The following TBR1 variants were observed in gnomAD, a reference collection of about 807,000 sequenced individuals.
The protein encoded by TBR1 is T-box brain protein 1.
A neutral mutation model predicts 60.3 loss-of-function variants in TBR1; 7 were observed. The observed-to-expected ratio is 0.12, with a 90% CI of 0.07 to 0.22. The LOEUF (loss-of-function observed/expected upper bound fraction) is 0.22. Ranked by LOEUF, TBR1 falls within the 10% of genes least tolerant of loss-of-function variation. The pLI is 1.00. For missense variants in TBR1, 616 were observed against 936.8 expected (o/e 0.66, Z 4.47); for synonymous variants, 417 against 409.9 (o/e 1.02, Z -0.21).
chr2:161,421,727 T>C (rs1201216495), intron 5 of TBR1: 1 of 152,276 alleles, frequency 6.6e-6, no homozygotes, highest in Non-Finnish European at 1.5e-5. Context: ...ACCTTGCTAG[T>C]TATGTTCCCT....
At chr2:161,423,310 A>G in intron 5 of TBR1, 59 bp from the exon 6 acceptor site, 1 of 277,918 alleles carries the variant, frequency 3.6e-6, no homozygotes. Context: ...CCCCACCCCC[A>G]CCCCAAGGGA....
rs1006281853 is a variant in TBR1 at position 161,425,541 on chromosome 2, C to T, written c.*1314C>T. The T allele has an allele frequency of 2.0e-5, 3 of 152,072 alleles. No homozygotes were observed. The highest frequency in any genetic ancestry group is 7.2e-5 in the African/African-American group (3 of 41,408). 9.4% of individuals were successfully genotyped at this position (152,072 alleles called of 1,614,324 possible). ...TATATTTGATAAGGAGCATTAATCC[C>T]CCTGGAAATAGATTAGTAGGATTTC... On this transcript the variant is annotated 3_prime_UTR_variant, in exon 6 of 6. Coordinates refer to ENST00000389554, the MANE Select transcript of TBR1 (RefSeq NM_006593.4).
chr2:161,423,320 A>T (rs1357245273), intron 5 of TBR1, 49 bp from the exon 6 acceptor site: 4 of 455,374 alleles, frequency 8.8e-6, no homozygotes, highest in African/African-American at 7.5e-5. Flanking sequence ...ACCCCAAGGG[A>T]CCTCCGCGCC....
At chr2:161,421,887 C>G (rs1684236905) in intron 5 of TBR1, 1 of 152,040 alleles carries the variant, frequency 6.6e-6, no homozygotes, top group East Asian at 1.9e-4. Context: ...AAAGCCACTC[C>G]TCTTTGATCT....
rs1399615455 is a variant in TBR1 at position 161,424,263 on chromosome 2, AC to A, written c.*41del. On this transcript the variant is annotated 3_prime_UTR_variant, in exon 6 of 6. Transcript: ENST00000389554. This position sits in a 1 kb window ranked among gnomAD's most constrained non-coding sequence, Gnocchi z 4.4. ...CCCGCCCGGCCCCGCCGCGGCCCGG[AC>A]CCCCAGCCAGCCCCTCACAGCTCTT... 6.0e-6 allele frequency: 9 copies of A among 1,510,240 alleles called. No individual in the cohort carries two copies. The highest frequency in any genetic ancestry group is 2.0e-4 in the Middle Eastern group (1 of 5,084). 93.6% of individuals were successfully genotyped at this position (1,510,240 alleles called of 1,614,324 possible).
Position 161,417,651 on chromosome 2 carries a change from T to TC in TBR1, c.693-19dup, listed in dbSNP as rs765352891. 4.4e-6 allele frequency: 7 copies of TC among 1,589,842 alleles called. No individual in the cohort carries two copies. The Admixed American group carries it at 7.3e-5, about 17-fold the overall frequency. ...TTATGTTTCTTTTTTCCTTGTTTTC[T>TC]CCCCCCACCCCTTAATTTAAATAGG... On this transcript the variant is annotated intron_variant, in intron 1 of 5. Transcript: ENST00000389554. This position sits in a 1 kb window ranked among gnomAD's most constrained non-coding sequence, Gnocchi z 5.3.
In TBR1 at chr2:161,416,761, C is replaced by T; in HGVS notation, c.351C>T (p.Ala117=). Residue 117 remains alanine, a synonymous_variant, in exon 1 of 6, where the codon GCC becomes GCT. Transcript: ENST00000389554. The surrounding 1 kb of genome is among the most constrained non-coding windows in gnomAD (Gnocchi z 6.1). ...LSQSSQPQSA[A]TAPSAMFPYP... is the part of the protein sequence containing the mutation. ...AGTCCAGCCAGCCACAGTCTGCGGC[C>T]ACTGCTCCCAGTGCCATGTTCCCGT... 6.2e-7 allele frequency: 1 copy of T among 1,614,192 alleles called. No individual in the cohort carries two copies. The highest frequency in any genetic ancestry group is 8.5e-7 in the Non-Finnish European group (1 of 1,180,036).
At chr2:161,421,217 C>G (rs1684226776) in intron 5 of TBR1, 2 of 152,242 alleles carry the variant, frequency 1.3e-5, no homozygotes, top group Admixed American at 1.3e-4. Flanking sequence ...GCGCCTGAGA[C>G]AGAGCTAAAA....
chr2:161,423,558 C>G lies in TBR1; in HGVS notation c.1380C>G (p.Ser460Arg). Reference sequence around the variant, plus strand: ...GCCCCGGGCCGGGTACGGACCGCAGCGTGCCGCACACCAACGGGCTGCTGT... The same window carrying G: ...GCCCCGGGCCGGGTACGGACCGCAGGGTGCCGCACACCAACGGGCTGCTGT... Reference protein sequence around the residue: ...GAGPGPGTDRSVPHTNGLLSP... With the variant: ...GAGPGPGTDRRVPHTNGLLSP... The change falls in exon 6 of 6, where the codon AGC becomes AGG. Residue 460 changes from serine to arginine, a missense_variant. By Grantham distance (110) the Ser-to-Arg change is moderately radical. This residue lies in a region of TBR1 where 80 missense variants were observed against 75.3 expected (regional missense o/e 1.06). Coordinates refer to ENST00000389554, the MANE Select transcript of TBR1 (RefSeq NM_006593.4). The G allele has an allele frequency of 6.4e-7, 1 of 1,557,850 alleles. No homozygotes were observed. The highest frequency in any genetic ancestry group is 8.6e-7 in the Non-Finnish European group (1 of 1,156,164).
intron 5 of TBR1, 154 bp from the exon 6 acceptor site, chr2:161,423,215 G>A (rs1684259137): frequency 3.8e-6 from 2 of 523,354 alleles, no homozygotes; most frequent in South Asian, 7.6e-5. Context: ...GTGGCCTCTT[G>A]TATTCTCCAG....
intron 3 of TBR1, 112 bp downstream of exon 3, chr2:161,418,434 T>C: frequency 1.5e-6 from 2 of 1,366,814 alleles, no homozygotes; most frequent in African/African-American, 1.5e-5. Context: ...CTTTGCTTCA[T>C]TAAAAAGACT....
intron 5 of TBR1, chr2:161,421,675 T>G (rs1030299995): frequency 6.6e-6 from 1 of 152,384 alleles, no homozygotes; most frequent in Non-Finnish European, 1.5e-5. Flanking sequence ...ACTGCTTTTT[T>G]CTTTTTAAAA....
At chr2:161,420,422 T>C (rs1165926428) in intron 5 of TBR1, 165 bp downstream of exon 5, 2 of 201,986 alleles carry the variant, frequency 9.9e-6, no homozygotes, top group Non-Finnish European at 1.9e-5. Context: ...CCTCTTCTTT[T>C]TTTTTTTTTT....
chr2:161,420,180 T>A lies in TBR1; in HGVS notation c.1129-16T>A. The A allele has an allele frequency of 3.7e-6, 6 of 1,611,040 alleles. No individual in the cohort carries two copies. The highest frequency in any genetic ancestry group is 4.2e-6 in the Non-Finnish European group (5 of 1,178,112). ...GTATAAAAGGTGAGATAACATTCAT[T>A]TTTTTTCTTTGCCAGATTACACAAC... is the stretch of plus-strand genomic sequence containing the variant. On this transcript the variant is annotated splice_polypyrimidine_tract_variant and intron_variant, in intron 4 of 5. Transcript: ENST00000389554.
At chr2:161,423,325 C>A in intron 5 of TBR1, 44 bp from the exon 6 acceptor site, 2 of 1,304,482 alleles carry the variant, frequency 1.5e-6, no homozygotes, top group Non-Finnish European at 9.9e-7. Context: ...AAGGGACCTC[C>A]GCGCCACCCC....
In TBR1 at chr2:161,417,287, A is replaced by AC. The variant is rs1245278989; in HGVS notation, c.692+189dup. The AC allele has an allele frequency of 7.7e-6, 5 of 648,428 alleles. No homozygotes were observed. The highest frequency in any genetic ancestry group is 3.7e-5 in the African/African-American group (2 of 54,504). 40.2% of individuals were successfully genotyped at this position (648,428 alleles called of 1,614,324 possible). On this transcript the variant is annotated intron_variant, in intron 1 of 5. Transcript: ENST00000389554. This position sits in a 1 kb window ranked among gnomAD's most constrained non-coding sequence, Gnocchi z 5.3. ...CGCCAGGGTGATGTTGGTGGGGGGG[A>AC]CCCCGTTCTAGGAACATAGTGGGAG...
In TBR1 at chr2:161,416,381, C is replaced by G; in HGVS notation, c.-30C>G. On this transcript the variant is annotated 5_prime_UTR_variant, in exon 1 of 6. Coordinates refer to ENST00000389554, the MANE Select transcript of TBR1 (RefSeq NM_006593.4). The surrounding 1 kb of genome is among the most constrained non-coding windows in gnomAD (Gnocchi z 6.1). ...TAAATAGGACTTTAAAAACCAGGGA[C>G]GGGAGGGCGAGTGTTCAGGTTCTAG... The G allele has an allele frequency of 5.9e-6, 9 of 1,513,162 alleles. No individual in the cohort carries two copies. The highest frequency in any genetic ancestry group is 8.0e-6 in the Non-Finnish European group (9 of 1,125,236). The allele number at this position is 1,513,162 out of a possible 1,614,324, so 93.7% of individuals were successfully genotyped here.
intron 5 of TBR1, chr2:161,421,869 C>T (rs370440520): frequency 6.6e-6 from 1 of 152,148 alleles, no homozygotes; most frequent in South Asian, 2.1e-4. Context: ...TGGCTGCCTT[C>T]TGTTGGAAAA....
Position 161,418,937 on chromosome 2 carries a change from G to A in TBR1, c.1015G>A (p.Val339Met). Residue 339 changes from valine to methionine, a missense_variant, in exon 4 of 6, where the codon GTG (valine) becomes ATG (methionine). By Grantham distance (21) the Val-to-Met change is conservative. This residue lies in a region of TBR1 where 85 missense variants were observed against 164.9 expected (regional missense o/e 0.52). Transcript: ENST00000389554. ...SLHKYQPRLH[V>M]VEVNEDGTED... ...GCACAAGTACCAGCCCCGCCTGCAT[G>A]TGGTGGAAGTGAACGAGGACGGCAC... The A allele has an allele frequency of 6.2e-7, 1 of 1,614,252 alleles. No homozygotes were observed.
Sources: allele counts gnomAD v4.1 joint callset, GRCh38; gene constraint gnomAD v4.1.1; regional missense constraint gnomAD v4.1.1; non-coding constraint Gnocchi (gnomAD v3.1); transcripts MANE v1.5; gene names NCBI Gene and HGNC (gene_info 2026-07-23, HGNC 2026-07-21).